Variants in WDFY4 observed in about 807,000 individuals in gnomAD.
The protein encoded by WDFY4 is WDFY family member 4.
Under a neutral mutation model 351.9 loss-of-function variants are expected in WDFY4, and 169 were observed. The observed-to-expected ratio is 0.48, with a 90% CI of 0.42 to 0.55. The LOEUF (loss-of-function observed/expected upper bound fraction) is 0.55. Among genes scored for constraint, WDFY4 ranks in the 20% least tolerant of loss-of-function variants. The pLI is 0.00. For synonymous variants in WDFY4, 1,622 were observed against 1,574.6 expected (o/e 1.03, Z -0.71); for missense variants, 3,803 against 3,935.6 (o/e 0.97, Z 0.90).
At chr10:48,784,850 CT>C (rs1255134626) in intron 19 of WDFY4, among the ~76,000 whole-genome samples, 4,384 of 80,644 alleles carry the variant, frequency 0.054, 312 homozygotes, top group African/African-American at 0.22. Context: ...GCATCGTTTA[CT>C]TTTTTTTTTT....
chr10:48,819,745 G>C (rs541260914), intron 32 of WDFY4, among the ~76,000 whole-genome samples: 2 of 152,334 alleles, frequency 1.3e-5, no homozygotes, highest in African/African-American at 4.8e-5. Flanking sequence ...TGAGGAGCCT[G>C]TCTGTGGGCA....
chr10:48,762,181 G>A (rs2620902), intron 13 of WDFY4, among the ~76,000 whole-genome samples: 127,604 of 152,214 alleles, frequency 0.84, 54,715 homozygotes, highest in Non-Finnish European at 0.93. Flanking sequence ...AATGACAGTG[G>A]CCTCATAAAA....
intron 1 of WDFY4, among the ~76,000 whole-genome samples, chr10:48,705,363 A>T (rs1182327888): frequency 6.6e-6 from 1 of 152,124 alleles, no homozygotes; most frequent in Non-Finnish European, 1.5e-5. Context: ...TGCCTCCTTC[A>T]TTGCCCTACC....
At chr10:48,843,870 AT>A (rs2068687285) in intron 39 of WDFY4, among the ~76,000 whole-genome samples, 1 of 152,106 alleles carries the variant, frequency 6.6e-6, no homozygotes, top group African/African-American at 2.4e-5. Flanking sequence ...ATTTTTGTGT[AT>A]TCATCTAAAT....
intron 1 of WDFY4, among the ~76,000 whole-genome samples, chr10:48,704,222 A>T (rs1355435285): frequency 6.6e-6 from 1 of 152,094 alleles, no homozygotes; most frequent in Non-Finnish European, 1.5e-5. Flanking sequence ...AGAGAGGGGA[A>T]GTGACTCAGT....
intron 19 of WDFY4, among the ~76,000 whole-genome samples, chr10:48,782,907 G>C (rs2066275758): frequency 1.3e-5 from 2 of 152,326 alleles, no homozygotes; most frequent in South Asian, 4.1e-4. Context: ...TTGGAAGACA[G>C]GAGCAAGGTG....
At chr10:48,966,134 A>G (rs79647720) in intron 54 of WDFY4, among the ~76,000 whole-genome samples, 4,803 of 152,254 alleles carry the variant, frequency 0.032, 79 homozygotes, top group Middle Eastern at 0.082. Context: ...GATGAAAACT[A>G]TGAGAAATAG....
rs115213597 is a variant in WDFY4 at position 48,721,244 on chromosome 10, G to A, written c.350-17G>A. On this transcript the variant is annotated splice_polypyrimidine_tract_variant and intron_variant, in intron 3 of 61. Transcript: ENST00000325239. The stretch of plus-strand genomic sequence containing the variant: ...GGGCAGGTCGCTGTATGCCCTGCTG[G>A]TGACACTTTCTTCCAGAGCAAGCTC... 1.4e-3 allele frequency: 2,148 copies of A among 1,551,376 alleles called. 27 individuals carry two copies. The African/African-American group carries it at 0.025, about 18-fold the overall frequency.
chr10:48,861,643 A>G (rs956401441), intron 39 of WDFY4, among the ~76,000 whole-genome samples: 1 of 152,126 alleles, frequency 6.6e-6, no homozygotes, highest in Non-Finnish European at 1.5e-5. Flanking sequence ...GTTAGTTTTC[A>G]GAAGTCTGAC....
chr10:48,722,306 G>A (rs1158907792), intron 4 of WDFY4, among the ~76,000 whole-genome samples: 1 of 152,200 alleles, frequency 6.6e-6, no homozygotes, highest in East Asian at 1.9e-4. Flanking sequence ...GCCCCTGGGG[G>A]AAGGACTCTC....
At chr10:48,794,351 A>G (rs1190492542) in intron 23 of WDFY4, among the ~76,000 whole-genome samples, 1 of 152,138 alleles carries the variant, frequency 6.6e-6, no homozygotes, top group South Asian at 2.1e-4. Flanking sequence ...GAAAGGAGCC[A>G]GGGCGGTCCA....
chr10:48,697,084 A>G (rs762046250), intron 1 of WDFY4, among the ~76,000 whole-genome samples: 2 of 152,168 alleles, frequency 1.3e-5, no homozygotes, highest in Non-Finnish European at 2.9e-5. Flanking sequence ...CTTACCAGCG[A>G]GTCAAGGCCA....
intron 28 of WDFY4, among the ~76,000 whole-genome samples, chr10:48,810,141 G>A (rs1189273759): frequency 6.6e-6 from 1 of 152,016 alleles, no homozygotes; most frequent in African/African-American, 2.4e-5. Flanking sequence ...AAAAGGGAGG[G>A]GAATATTCAT....
intron 35 of WDFY4, among the ~76,000 whole-genome samples, chr10:48,824,565 C>T (rs539863833): frequency 8.5e-5 from 13 of 152,238 alleles, no homozygotes; most frequent in Non-Finnish European, 1.5e-4. Flanking sequence ...TTCTGCATAG[C>T]CTTGATTGAT....
chr10:48,738,040 C>T lies in WDFY4; in HGVS notation c.1878+1970C>T, dbSNP rs558176252. 9.6e-4 allele frequency among the ~76,000 whole-genome samples: 146 copies of T among 152,286 alleles called. 3 individuals are homozygous for T. In the South Asian group the frequency reaches 0.028, roughly 29 times the overall value. On this transcript the variant is annotated intron_variant, in intron 11 of 61. Coordinates refer to ENST00000325239, the MANE Select transcript of WDFY4 (RefSeq NM_001394531.1). ...TTTTCCTTCATATGTCCATGTTCAG[C>T]GTGACTGGCATGTTCTGGCAGGATA...
At chr10:48,790,089 C>A in intron 22 of WDFY4, 104 bp downstream of exon 22, 1 of 1,111,832 alleles carries the variant, frequency 9.0e-7, no homozygotes, top group Non-Finnish European at 1.3e-6. Flanking sequence ...ATGGAGTGTG[C>A]CAGGGAACCA....
intron 47 of WDFY4, among the ~76,000 whole-genome samples, chr10:48,940,165 T>C (rs946635010): frequency 6.6e-6 from 1 of 152,232 alleles, no homozygotes; most frequent in African/African-American, 2.4e-5. Flanking sequence ...GGCTCTGCCC[T>C]TGCCTATAGC....
intron 1 of WDFY4, among the ~76,000 whole-genome samples, chr10:48,709,014 C>G (rs180818810): frequency 3.3e-5 from 5 of 151,682 alleles, no homozygotes; most frequent in East Asian, 1.9e-4. Flanking sequence ...AACACCCCCC[C>G]CCCCCAAACA....
chr10:48,778,319 T>G (rs959958450), intron 17 of WDFY4, among the ~76,000 whole-genome samples: 2 of 152,212 alleles, frequency 1.3e-5, no homozygotes, highest in African/African-American at 4.8e-5. Context: ...TTGGTGCCCT[T>G]TCCTATCCAA....
Sources: gnomAD v4.1 joint callset for allele counts (sites outside exome capture counted in the v4.1 genomes callset) on GRCh38, gnomAD v4.1.1 for gene constraint, MANE v1.5 for transcripts, NCBI Gene and HGNC (gene_info 2026-07-23, HGNC 2026-07-21) for gene names.